The following FARS2 variants were observed in gnomAD, a reference collection of about 807,000 sequenced individuals.
FARS2 encodes the protein phenylalanine--tRNA ligase, mitochondrial.
A neutral mutation model predicts 46.4 loss-of-function variants in FARS2; 40 were observed. That is an observed-to-expected ratio of 0.86 (90% CI 0.67 to 1.12). The LOEUF (loss-of-function observed/expected upper bound fraction) is 1.12, where lower values mean the gene tolerates loss of function less well. FARS2 is among the 50% of genes most tolerant of loss of function. FARS2 has a pLI of 0.00. For synonymous variants in FARS2, 234 were observed against 214.9 expected (o/e 1.09, Z -0.78); for missense variants, 513 against 567.9 (o/e 0.90, Z 0.98).
At chr6:5,364,615 T>C (rs746314226) in intron 1 of FARS2, among the ~76,000 whole-genome samples, 2 of 152,222 alleles carry the variant, frequency 1.3e-5, no homozygotes, top group Non-Finnish European at 2.9e-5. Context: ...AGTGAGTATT[T>C]AGGCTTTGTG....
At chr6:5,413,261 G>A (rs181822350) in intron 3 of FARS2, among the ~76,000 whole-genome samples, 5 of 152,264 alleles carry the variant, frequency 3.3e-5, no homozygotes, top group Admixed American at 2.0e-4. Flanking sequence ...ATAACAGAGA[G>A]GTTCACTAAT....
chr6:5,500,734 CA>C (rs1354791758), intron 4 of FARS2, among the ~76,000 whole-genome samples: 4 of 151,458 alleles, frequency 2.6e-5, no homozygotes, highest in Admixed American at 6.6e-5. Context: ...TGCTACCTTA[CA>C]TTTTTTTTTT....
intron 5 of FARS2, among the ~76,000 whole-genome samples, chr6:5,567,042 A>G (rs1772362036): frequency 2.0e-5 from 3 of 152,258 alleles, no homozygotes; most frequent in Admixed American, 2.0e-4. Flanking sequence ...AACTTTGGGA[A>G]GAGCTGGGTT....
At chr6:5,725,623 T>A (rs911055723) in intron 6 of FARS2, among the ~76,000 whole-genome samples, 1 of 152,168 alleles carries the variant, frequency 6.6e-6, no homozygotes, top group Non-Finnish European at 1.5e-5. Context: ...TTTGCCTAGC[T>A]GTGGAAAAGT....
chr6:5,720,594 G>A (rs1759825594), intron 6 of FARS2, among the ~76,000 whole-genome samples: 1 of 152,114 alleles, frequency 6.6e-6, no homozygotes, highest in Non-Finnish European at 1.5e-5. Flanking sequence ...TTTCTAGATT[G>A]CCTTTACATT....
rs1028547374 is a variant in FARS2 at position 5,679,595 on chromosome 6, A to G, written c.1217+66275A>G. ...CTTTTCCCAGGGTCTCCTAAACAGT[A>G]CAATGCCTTTCAAAAGAAATAATGG... On this transcript the variant is annotated intron_variant, in intron 6 of 6. Transcript: ENST00000274680. Among the ~76,000 whole-genome samples, 8 of 152,286 alleles carry G rather than the reference A, an allele frequency of 5.3e-5. No individual in the cohort carries two copies. In the South Asian group the frequency reaches 1.7e-3, roughly 32 times the overall value.
At position 5,311,817 on chromosome 6, in the gene FARS2, A is replaced by T. The variant is rs562947326; in HGVS notation, c.-22+50157A>T. Among the ~76,000 whole-genome samples the T allele has an allele frequency of 6.5e-4, 99 of 152,268 alleles. No homozygotes were observed. The highest frequency in any genetic ancestry group is 2.4e-3 in the African/African-American group (99 of 41,544). Reference sequence around the variant, plus strand: ...TTTGGATCTAGCTGTCAAAAATGAGAGATAAAAAGCCACTCACAGATTCCT... The same window carrying T: ...TTTGGATCTAGCTGTCAAAAATGAGTGATAAAAAGCCACTCACAGATTCCT... On this transcript the variant is annotated intron_variant, in intron 1 of 6. Transcript: ENST00000274680. This position sits in a 1 kb window ranked among gnomAD's most constrained non-coding sequence, Gnocchi z 4.1.
At chr6:5,724,017 G>A (rs1258373093) in intron 6 of FARS2, among the ~76,000 whole-genome samples, 1 of 152,202 alleles carries the variant, frequency 6.6e-6, no homozygotes, top group African/African-American at 2.4e-5. Flanking sequence ...GAAAGAGTGG[G>A]CTCGGCGGGA....
intron 6 of FARS2, among the ~76,000 whole-genome samples, chr6:5,707,940 T>G (rs1346906342): frequency 1.4e-4 from 22 of 152,156 alleles, no homozygotes; most frequent in Admixed American, 1.4e-3. Flanking sequence ...GGCTACTAAT[T>G]CCTTATGGCT....
intron 1 of FARS2, among the ~76,000 whole-genome samples, chr6:5,271,887 C>T (rs1347498755): frequency 3.3e-5 from 5 of 152,004 alleles, no homozygotes; most frequent in Non-Finnish European, 5.9e-5. Flanking sequence ...AGTAAATGAT[C>T]GATAAATATT....
At chr6:5,368,251 G>A (rs1428312174) in intron 1 of FARS2, among the ~76,000 whole-genome samples, 2 of 152,116 alleles carry the variant, frequency 1.3e-5, no homozygotes, top group Non-Finnish European at 2.9e-5. Flanking sequence ...TCCACATCAC[G>A]AGTTCAGGAC....
chr6:5,597,482 G>A (rs907290542), intron 5 of FARS2, among the ~76,000 whole-genome samples: 1 of 152,214 alleles, frequency 6.6e-6, no homozygotes, highest in Admixed American at 6.5e-5. Flanking sequence ...GCAAGACACA[G>A]AGCGGCGCCT....
chr6:5,257,561 T>C (rs1764736969), upstream of FARS2, among the ~76,000 whole-genome samples: 1 of 152,178 alleles, frequency 6.6e-6, no homozygotes, highest in Non-Finnish European at 1.5e-5. Context: ...CCGTGGCCTG[T>C]TAGGAACCGG....
intron 6 of FARS2, among the ~76,000 whole-genome samples, chr6:5,712,229 T>TATC (rs973567976): frequency 6.6e-6 from 1 of 152,224 alleles, no homozygotes; most frequent in African/African-American, 2.4e-5. Flanking sequence ...CCCTTCCTAA[T>TATC]ATCACAAGTG....
At chr6:5,668,479 A>G (rs897757886) in intron 6 of FARS2, among the ~76,000 whole-genome samples, 3 of 152,214 alleles carry the variant, frequency 2.0e-5, no homozygotes, top group Non-Finnish European at 4.4e-5. Flanking sequence ...AACCAGAGGG[A>G]AAGTGAATTC....
chr6:5,708,476 G>A lies in FARS2; in HGVS notation c.1218-62815G>A, dbSNP rs113203610. 8.7e-3 allele frequency among the ~76,000 whole-genome samples: 1,328 copies of A among 152,226 alleles called. 7 individuals are homozygous for A. The highest frequency in any genetic ancestry group is 0.012 in the Non-Finnish European group (831 of 68,020). On this transcript the variant is annotated intron_variant, in intron 6 of 6. Coordinates refer to ENST00000274680, the MANE Select transcript of FARS2 (RefSeq NM_006567.5). ...TCCACAGCTATGGCCCCAGGCAGGT[G>A]TCCTGAAGGGAATCAGGTGAAAAGG...
intron 1 of FARS2, among the ~76,000 whole-genome samples, chr6:5,336,453 G>C (rs979718742): frequency 6.6e-6 from 1 of 151,396 alleles, no homozygotes; most frequent in African/African-American, 2.4e-5. Flanking sequence ...TAAACCTATG[G>C]TCAGATAACC....
At chr6:5,450,464 C>T (rs1764421594) in intron 4 of FARS2, among the ~76,000 whole-genome samples, 1 of 151,672 alleles carries the variant, frequency 6.6e-6, no homozygotes, top group South Asian at 2.1e-4. Context: ...TGCTCCAGCT[C>T]CCCCATGCCG....
chr6:5,594,035 C>A (rs1391167438), intron 5 of FARS2, among the ~76,000 whole-genome samples: 1 of 152,188 alleles, frequency 6.6e-6, no homozygotes, highest in Non-Finnish European at 1.5e-5. Context: ...CATTGATTCC[C>A]AGGTCCCTCA....
Sources: gnomAD v4.1 joint callset for allele counts (sites outside exome capture counted in the v4.1 genomes callset) on GRCh38, gnomAD v4.1.1 for gene constraint, Gnocchi (gnomAD v3.1) non-coding constraint, MANE v1.5 for transcripts, NCBI Gene and HGNC (gene_info 2026-07-23, HGNC 2026-07-21) for gene names.